The following MAGI2 variants were observed in gnomAD, a reference collection of about 807,000 sequenced individuals.
MAGI2 encodes the protein membrane-associated guanylate kinase, WW and PDZ domain-containing protein 2.
Under a neutral mutation model 133.3 loss-of-function variants are expected in MAGI2, and 35 were observed. That is an observed-to-expected ratio of 0.26 (90% CI 0.20 to 0.35). MAGI2 has a LOEUF of 0.35. Ranked by LOEUF, MAGI2 falls within the 10% of genes least tolerant of loss-of-function variation. The pLI is 1.00. For missense variants in MAGI2, 1,636 were observed against 1,863.4 expected, an observed-to-expected ratio of 0.88 and a Z score of 2.25; for synonymous variants, 729 against 710.6, an observed-to-expected ratio of 1.03 and a Z score of -0.41.
intron 2 of MAGI2, among the ~76,000 whole-genome samples, chr7:78,736,784 G>A (rs1459878774): frequency 4.6e-5 from 7 of 152,120 alleles, no homozygotes; most frequent in African/African-American, 1.7e-4. Flanking sequence ...GGTGGGGGGA[G>A]TGTCAGAGTG....
chr7:78,595,783 C>G (rs917574744), intron 3 of MAGI2, among the ~76,000 whole-genome samples: 4 of 152,076 alleles, frequency 2.6e-5, no homozygotes, highest in African/African-American at 7.2e-5. Context: ...CACAGGAGAC[C>G]TTAAGTATTT....
intron 1 of MAGI2, among the ~76,000 whole-genome samples, chr7:79,272,835 C>T (rs1834972545): frequency 6.6e-6 from 1 of 152,014 alleles, no homozygotes; most frequent in East Asian, 1.9e-4. Context: ...CTCCTCTTTA[C>T]ATTTTCTGCC....
chr7:78,368,695 C>T (rs1005556001), intron 7 of MAGI2, among the ~76,000 whole-genome samples: 30 of 151,300 alleles, frequency 2.0e-4, no homozygotes, highest in African/African-American at 6.6e-4. Flanking sequence ...TCCAATGTAC[C>T]GAAAGAATAC....
intron 2 of MAGI2, among the ~76,000 whole-genome samples, chr7:78,731,328 T>C (rs1821350006): frequency 6.6e-6 from 1 of 152,154 alleles, no homozygotes; most frequent in Admixed American, 6.5e-5. Flanking sequence ...CTGTGTCTAC[T>C]TTATTGATCA....
At chr7:78,280,330 G>A (rs1444890879) in intron 9 of MAGI2, among the ~76,000 whole-genome samples, 1 of 152,076 alleles carries the variant, frequency 6.6e-6, no homozygotes, top group Non-Finnish European at 1.5e-5. Context: ...GTTACTGGTG[G>A]ATACCAAATT....
chr7:79,328,720 G>T (rs927069267), intron 1 of MAGI2, among the ~76,000 whole-genome samples: 10 of 152,064 alleles, frequency 6.6e-5, no homozygotes, highest in Non-Finnish European at 1.5e-5. Context: ...CTTAGAATTG[G>T]TATTAATATT....
chr7:79,110,797 G>A (rs534635746), intron 1 of MAGI2, among the ~76,000 whole-genome samples: 4 of 152,282 alleles, frequency 2.6e-5, no homozygotes, highest in Admixed American at 2.6e-4. Context: ...TCCAGTGTTG[G>A]AGGTGAGGAC....
At chr7:78,702,070 A>G (rs970147397) in intron 2 of MAGI2, among the ~76,000 whole-genome samples, 2 of 152,032 alleles carry the variant, frequency 1.3e-5, no homozygotes, top group African/African-American at 4.8e-5. Context: ...CTGAACACAA[A>G]TGGTACAGTT....
At chr7:79,335,473 A>C (rs1021605923) in intron 1 of MAGI2, among the ~76,000 whole-genome samples, 4 of 152,102 alleles carry the variant, frequency 2.6e-5, no homozygotes, top group Non-Finnish European at 1.5e-5. Context: ...GAAATTATAA[A>C]GGAAAGGCAA....
intron 1 of MAGI2, among the ~76,000 whole-genome samples, chr7:79,321,223 A>G (rs1345082717): frequency 6.6e-6 from 1 of 152,160 alleles, no homozygotes; most frequent in African/African-American, 2.4e-5. Flanking sequence ...ATACATTTAC[A>G]TTTTACTAAT....
At chr7:79,178,385 G>A (rs988266891) in intron 1 of MAGI2, among the ~76,000 whole-genome samples, 2 of 151,934 alleles carry the variant, frequency 1.3e-5, no homozygotes, top group African/African-American at 4.8e-5. Flanking sequence ...ATGTCCCTAT[G>A]AAAGAGTGGA....
intron 21 of MAGI2, among the ~76,000 whole-genome samples, chr7:78,059,345 T>G (rs1812981393): frequency 6.6e-6 from 1 of 152,236 alleles, no homozygotes; most frequent in Non-Finnish European, 1.5e-5. Flanking sequence ...CATAAAGCAC[T>G]TCTTTGGCAG....
chr7:78,075,149 G>C (rs537243494), intron 21 of MAGI2, among the ~76,000 whole-genome samples: 1 of 152,174 alleles, frequency 6.6e-6, no homozygotes, highest in Non-Finnish European at 1.5e-5. Context: ...CTGCATCACC[G>C]GCTCTAGTGA....
At chr7:78,851,773 A>G (rs1793159486) in intron 2 of MAGI2, among the ~76,000 whole-genome samples, 2 of 152,140 alleles carry the variant, frequency 1.3e-5, no homozygotes. Flanking sequence ...TTGCACTTCC[A>G]TATGGTTATA....
chr7:78,343,743 T>G (rs541681716), intron 9 of MAGI2, 35 bp downstream of exon 9: 2 of 1,407,254 alleles, frequency 1.4e-6, no homozygotes, highest in Non-Finnish European at 1.9e-6. Context: ...AAAAAGATGT[T>G]GCAAAACAAT....
intron 2 of MAGI2, among the ~76,000 whole-genome samples, chr7:78,952,690 T>C (rs1464897003): frequency 1.3e-5 from 2 of 152,200 alleles, no homozygotes; most frequent in Non-Finnish European, 2.9e-5. Flanking sequence ...GGCAAATCCT[T>C]CAGCTACCTA....
intron 10 of MAGI2, among the ~76,000 whole-genome samples, chr7:78,231,416 A>C (rs897033515): frequency 6.6e-6 from 1 of 152,188 alleles, no homozygotes; most frequent in Admixed American, 6.5e-5. Context: ...TGCGCTCTAA[A>C]TGCCAGTAAG....
chr7:78,900,957 C>T (rs1316985055), intron 2 of MAGI2, among the ~76,000 whole-genome samples: 6 of 152,128 alleles, frequency 3.9e-5, no homozygotes, highest in Non-Finnish European at 8.8e-5. Flanking sequence ...ATTAAAACTG[C>T]AAGACCAATT....
At chr7:78,286,427 C>T (rs760923791) in intron 9 of MAGI2, among the ~76,000 whole-genome samples, 3 of 151,904 alleles carry the variant, frequency 2.0e-5, no homozygotes, top group South Asian at 2.1e-4. Context: ...AGGAATATGG[C>T]GATTTACTAT....
Sources: allele counts gnomAD v4.1 joint callset (sites outside exome capture counted in the v4.1 genomes callset), GRCh38; gene constraint gnomAD v4.1.1; transcripts MANE v1.5; gene names NCBI Gene and HGNC (gene_info 2026-07-23, HGNC 2026-07-21).